The following ANKRD30A variants were observed in gnomAD, a reference collection of about 807,000 sequenced individuals.
ANKRD30A encodes ankyrin repeat domain-containing protein 30A.
Under a neutral mutation model 166.3 loss-of-function variants are expected in ANKRD30A, and 170 were observed. The observed-to-expected ratio is 1.02, with a 90% CI of 0.90 to 1.16. ANKRD30A has a LOEUF of 1.16. Among genes scored for constraint, ANKRD30A ranks in the 50% most tolerant of loss-of-function variants. The probability of loss-of-function intolerance (pLI) is 0.00; values close to 1 mark genes in which losing one functional copy is unlikely to be tolerated. For synonymous variants in ANKRD30A, 564 were observed against 508.9 expected, an observed-to-expected ratio of 1.11 and a Z score of -1.46; for missense variants, 1,630 against 1,518.0, an observed-to-expected ratio of 1.07 and a Z score of -1.23.
chr10:37,136,505 G>A (rs1836689939), intron 5 of ANKRD30A, 102 bp from the exon 6 acceptor site: 1 of 552,912 alleles, frequency 1.8e-6, no homozygotes, highest in African/African-American at 2.0e-5. Context: ...TGTTAGTTCT[G>A]ATATTGTCTG....
chr10:37,198,143 G>A (rs1294627525), intron 29 of ANKRD30A, among the ~76,000 whole-genome samples: 1 of 152,044 alleles, frequency 6.6e-6, no homozygotes, highest in Non-Finnish European at 1.5e-5. Context: ...TTATTGCCCA[G>A]AAGTAACCAA....
intron 29 of ANKRD30A, 29 bp from the exon 30 acceptor site, chr10:37,199,698 T>G: frequency 7.1e-7 from 1 of 1,416,822 alleles, no homozygotes. Flanking sequence ...AATGTTCTCA[T>G]GAATGTATCT....
rs752323974 is a variant in ANKRD30A at position 37,152,076 on chromosome 10, A to G, written c.1662A>G (p.Pro554=). The part of the protein sequence containing the change: ...QTLRADPMFP[P]ESKQKDYEEN... ...CTTTTATAGATCCGATGTTCCCACC[A>G]GAATCCAAACAAAAGGACTATGAAG... The change falls in exon 12 of 36, where the codon CCA becomes CCG. Residue 554 remains proline (P), a synonymous_variant. Transcript: ENST00000361713. The G allele has an allele frequency of 1.2e-5, 20 of 1,609,876 alleles. No homozygotes were observed. The highest frequency in any genetic ancestry group is 2.2e-5 in the East Asian group (1 of 44,700).
At chr10:37,232,398 ATGTC>A (rs748957912) in intron 35 of ANKRD30A, 97 bp from the exon 36 acceptor site, 1 of 151,418 alleles carries the variant, frequency 6.6e-6, no homozygotes. Flanking sequence ...TCACTTATGT[ATGTC>A]TATCACTTGA....
chr10:37,231,245 A>G (rs1210885011), intron 34 of ANKRD30A, among the ~76,000 whole-genome samples: 1 of 152,010 alleles, frequency 6.6e-6, no homozygotes, highest in African/African-American at 2.4e-5. Flanking sequence ...TTTTTGTTAG[A>G]AATCCTCCTA....
chr10:37,201,397 C>A, intron 31 of ANKRD30A, 72 bp downstream of exon 31: 1 of 1,185,244 alleles, frequency 8.4e-7, no homozygotes, highest in Non-Finnish European at 1.2e-6. Flanking sequence ...AGGATATGCT[C>A]TAATAGCTGA....
intron 15 of ANKRD30A, among the ~76,000 whole-genome samples, chr10:37,159,442 T>C (rs1015627148): frequency 2.0e-5 from 3 of 152,052 alleles, no homozygotes; most frequent in African/African-American, 7.2e-5. Flanking sequence ...CGCTTGAAAC[T>C]AGGAGGCAAA....
chr10:37,152,214 A>C, intron 12 of ANKRD30A, 93 bp downstream of exon 12: 2 of 1,044,242 alleles, frequency 1.9e-6, no homozygotes, highest in Non-Finnish European at 2.8e-6. Context: ...TCGCCTCTTC[A>C]TATGTCACCC....
intron 30 of ANKRD30A, among the ~76,000 whole-genome samples, chr10:37,200,431 C>T (rs763135227): frequency 6.6e-6 from 1 of 151,874 alleles, no homozygotes; most frequent in Non-Finnish European, 1.5e-5. Context: ...GCAGCATGAG[C>T]GTCAAATAAT....
the ANKRD30A span, chr10:37,261,727 A>G: frequency 6.6e-6 from 1 of 152,218 alleles, no homozygotes; most frequent in African/African-American, 2.4e-5. Context: ...ATTAGGCATT[A>G]GAATCACGAG....
intron 1 of ANKRD30A, 118 bp downstream of exon 1, chr10:37,126,126 G>T: frequency 9.6e-7 from 1 of 1,039,048 alleles, no homozygotes; most frequent in East Asian, 2.5e-5. Flanking sequence ...GAGGAGTAAC[G>T]GGCAGCGGGG....
intron 14 of ANKRD30A, 34 bp from the exon 15 acceptor site, chr10:37,158,480 G>A (rs773510679): frequency 6.2e-7 from 1 of 1,613,192 alleles, no homozygotes; most frequent in Non-Finnish European, 8.5e-7. Context: ...AGTATACATT[G>A]TATATTAATT....
chr10:37,243,209 A>G, the ANKRD30A span, among the ~76,000 whole-genome samples: 2 of 145,708 alleles, frequency 1.4e-5, no homozygotes, highest in African/African-American at 5.1e-5. Context: ...ATCTCGGCTC[A>G]CTGCAAGCTC....
At chr10:37,239,235 G>A in the ANKRD30A span, among the ~76,000 whole-genome samples, 1 of 152,110 alleles carries the variant, frequency 6.6e-6, no homozygotes, top group African/African-American at 2.4e-5. Flanking sequence ...TTACAACTAT[G>A]CAGCTACGTG....
intron 6 of ANKRD30A, 143 bp from the exon 7 acceptor site, chr10:37,141,575 A>G: frequency 1.3e-6 from 1 of 760,712 alleles, no homozygotes; most frequent in Non-Finnish European, 1.8e-6. Flanking sequence ...TCTGTCTCAA[A>G]AAAAAAAAAA....
chr10:37,199,705 A>G (rs1470607338), intron 29 of ANKRD30A, 22 bp from the exon 30 acceptor site: 2 of 1,467,462 alleles, frequency 1.4e-6, no homozygotes, highest in East Asian at 2.3e-5. Context: ...TCATGAATGT[A>G]TCTGTGATTA....
intron 31 of ANKRD30A, among the ~76,000 whole-genome samples, chr10:37,210,326 G>C (rs1842222486): frequency 6.6e-6 from 1 of 152,052 alleles, no homozygotes; most frequent in African/African-American, 2.4e-5. Flanking sequence ...AGTATTTTAT[G>C]GTGTATATGT....
the ANKRD30A span, chr10:37,248,013 A>C: frequency 2.8e-6 from 1 of 352,468 alleles, no homozygotes; most frequent in Non-Finnish European, 5.5e-6. Context: ...GTACCCCTCA[A>C]CTTAAAGTAA....
chr10:37,226,052 A>G (rs967449628), intron 34 of ANKRD30A, among the ~76,000 whole-genome samples: 2 of 151,626 alleles, frequency 1.3e-5, no homozygotes, highest in Non-Finnish European at 1.5e-5. Context: ...ATCACAGTAC[A>G]TGGCCTTTTG....
Sources: allele counts gnomAD v4.1 joint callset (sites outside exome capture counted in the v4.1 genomes callset), GRCh38; gene constraint gnomAD v4.1.1; transcripts MANE v1.5; gene names NCBI Gene and HGNC (gene_info 2026-07-23, HGNC 2026-07-21).